The following TENM2 variants were observed in gnomAD, a reference collection of about 807,000 sequenced individuals.
The protein encoded by TENM2 is teneurin-2.
TENM2 carries 52 observed loss-of-function variants against 245.2 expected under a neutral mutation model. The ratio of observed to expected loss-of-function variants is 0.21; its 90% CI spans 0.17 to 0.27. The LOEUF (loss-of-function observed/expected upper bound fraction) is 0.27. Among genes scored for constraint, TENM2 ranks in the 10% least tolerant of loss-of-function variants. The pLI, the probability that TENM2 is intolerant of heterozygous loss-of-function variation, is 1.00. For synonymous variants in TENM2, 1,363 were observed against 1,438.9 expected, an observed-to-expected ratio of 0.95 and a Z score of 1.19; for missense variants, 3,046 against 3,666.8, an observed-to-expected ratio of 0.83 and a Z score of 4.37.
intron 5 of TENM2, among the ~76,000 whole-genome samples, chr5:168,036,593 A>C (rs1024389843): frequency 6.7e-5 from 10 of 149,176 alleles, no homozygotes; most frequent in Non-Finnish European, 3.0e-5. Context: ...CCGAGATCGC[A>C]CCATTGCACT....
chr5:167,029,786 ATGTTACTTTAT>A, the TENM2 span, among the ~76,000 whole-genome samples: 1 of 152,156 alleles, frequency 6.6e-6, no homozygotes, highest in Non-Finnish European at 1.5e-5. Context: ...TCCTTAATGA[ATGTTACTTTAT>A]TATTTTCACA....
At chr5:168,006,798 G>C (rs1471015052) in intron 5 of TENM2, among the ~76,000 whole-genome samples, 2 of 152,168 alleles carry the variant, frequency 1.3e-5, no homozygotes, top group African/African-American at 4.8e-5. Flanking sequence ...TTAGAGAAGA[G>C]AGAAAGGTCG....
chr5:167,420,076 A>G (rs931305510), intron 2 of TENM2, among the ~76,000 whole-genome samples: 1 of 152,242 alleles, frequency 6.6e-6, no homozygotes, highest in East Asian at 1.9e-4. Context: ...AGAGTTTTAT[A>G]CTTTGCAAAA....
In TENM2 at chr5:167,350,762, G is replaced by A. The variant is rs868149632; in HGVS notation, c.227-24436G>A. On this transcript the variant is annotated intron_variant, in intron 1 of 28. Transcript: ENST00000518659. Reference sequence around the variant, plus strand: ...ATATATATATGGGATATATACATATGGATATATATATATGGGATATATACA... The same window carrying A: ...ATATATATATGGGATATATACATATAGATATATATATATGGGATATATACA... 1.2e-4 allele frequency among the ~76,000 whole-genome samples: 15 copies of A among 126,816 alleles called. 2 individuals are homozygous for A. The South Asian group carries it at 3.8e-3, about 32-fold the overall frequency. 83.2% of individuals were successfully genotyped at this position (126,816 alleles called of 152,430 possible).
chr5:167,626,584 A>C (rs1778516547), intron 2 of TENM2, among the ~76,000 whole-genome samples: 1 of 152,208 alleles, frequency 6.6e-6, no homozygotes, highest in African/African-American at 2.4e-5. Flanking sequence ...AGATGTACTC[A>C]ATCATGAGTT....
intron 2 of TENM2, chr5:167,728,737 C>T (rs1418077451): frequency 2.6e-5 from 4 of 152,806 alleles, no homozygotes; most frequent in Non-Finnish European, 4.4e-5. Flanking sequence ...CCTCCCCCTA[C>T]ACCCCCCAAC....
In TENM2 at chr5:168,086,473, A is replaced by G. The variant is rs150484338; in HGVS notation, c.1516-4101A>G. Among the ~76,000 whole-genome samples, 672 of 152,290 alleles carry G rather than the reference A, an allele frequency of 4.4e-3. 5 individuals are homozygous for G. The highest frequency in any genetic ancestry group is 7.6e-3 in the Admixed American group (117 of 15,298). On this transcript the variant is annotated intron_variant, in intron 7 of 28. Coordinates refer to ENST00000518659, the Ensembl canonical transcript of TENM2. ...CAACGTGGGTTATTTTTCAGAGGCCAGGGAAAAGGAGAGAACTGGGCGGGG... is the reference window on the plus strand; with the variant it reads ...CAACGTGGGTTATTTTTCAGAGGCCGGGGAAAAGGAGAGAACTGGGCGGGG...
the TENM2 span, among the ~76,000 whole-genome samples, chr5:167,005,924 T>C: frequency 1.3e-5 from 2 of 151,992 alleles, no homozygotes; most frequent in African/African-American, 4.8e-5. Context: ...CCTCCTATAG[T>C]GCTGGGATTA....
chr5:167,163,655 G>T, the TENM2 span, among the ~76,000 whole-genome samples: 2 of 152,098 alleles, frequency 1.3e-5, no homozygotes, highest in African/African-American at 4.8e-5. Flanking sequence ...CTCTTCCATG[G>T]GGACTGCTGA....
intron 2 of TENM2, among the ~76,000 whole-genome samples, chr5:167,462,721 T>C (rs991616359): frequency 6.6e-5 from 10 of 151,776 alleles, no homozygotes; most frequent in Admixed American, 2.6e-4. Flanking sequence ...GCTCTTCCGT[T>C]CATCTGCTTG....
chr5:167,071,952 C>T, the TENM2 span, among the ~76,000 whole-genome samples: 1 of 134,642 alleles, frequency 7.4e-6, no homozygotes, highest in Non-Finnish European at 1.5e-5. Flanking sequence ...TTCCAGATTG[C>T]CAGGTGCCTT....
chr5:167,972,805 A>G (rs936044876), intron 4 of TENM2, among the ~76,000 whole-genome samples: 18 of 152,170 alleles, frequency 1.2e-4, no homozygotes, highest in African/African-American at 4.3e-4. Context: ...GTAATAATGT[A>G]ATAAATAATA....
Position 167,983,185 on chromosome 5 carries a change from A to AG in TENM2, c.948-9759_948-9758insG, listed in dbSNP as rs200090902. Among the ~76,000 whole-genome samples, 226 of 68,784 alleles carry AG rather than the reference A, an allele frequency of 3.3e-3. 2 individuals are homozygous for AG. Among genetic ancestry groups the AG allele is most frequent in the Non-Finnish European group, 3.4e-3 (114 of 33,314 alleles). 45.1% of individuals were successfully genotyped at this position (68,784 alleles called of 152,430 possible). A position where few individuals can be genotyped will look rare whatever the true frequency, so the allele number is the denominator to read the frequency against. ...CTCCAGAGGGGGAAAAAGAAGAAGA[A>AG]AAAAAAAAAAGACTCTTCATCTCAT... On this transcript the variant is annotated intron_variant, in intron 4 of 28. Transcript: ENST00000518659.
chr5:168,004,821 G>A (rs1229084105), intron 5 of TENM2, among the ~76,000 whole-genome samples: 6 of 139,202 alleles, frequency 4.3e-5, no homozygotes, highest in Admixed American at 3.0e-4. Context: ...ATCCTGCTCT[G>A]TCACGGTTAA....
At chr5:167,571,274 C>A (rs1187742089) in intron 2 of TENM2, among the ~76,000 whole-genome samples, 1 of 152,090 alleles carries the variant, frequency 6.6e-6, no homozygotes, top group Admixed American at 6.6e-5. Context: ...GATGAGGACA[C>A]AATGAGACAA....
At chr5:167,532,164 C>T (rs887818681) in intron 2 of TENM2, among the ~76,000 whole-genome samples, 18 of 152,054 alleles carry the variant, frequency 1.2e-4, no homozygotes, top group South Asian at 6.2e-4. Context: ...AATTGCCTGA[C>T]GTCTTAGGAT....
intron 2 of TENM2, among the ~76,000 whole-genome samples, chr5:167,678,684 A>G (rs775632622): frequency 1.3e-5 from 2 of 152,070 alleles, no homozygotes; most frequent in Non-Finnish European, 2.9e-5. Context: ...AGTGAAAGTA[A>G]AAAAAGAAGA....
chr5:167,304,108 AACC>A (rs1755521723), intron 1 of TENM2, among the ~76,000 whole-genome samples: 1 of 152,230 alleles, frequency 6.6e-6, no homozygotes, highest in Non-Finnish European at 1.5e-5. Flanking sequence ...ACACATACGC[AACC>A]CATGAAGTGC....
chr5:167,903,379 T>G (rs1170075798), intron 3 of TENM2, among the ~76,000 whole-genome samples: 1 of 152,148 alleles, frequency 6.6e-6, no homozygotes, highest in African/African-American at 2.4e-5. Flanking sequence ...GTGAGAGCGA[T>G]GCCAGAAAGA....
Sources: gnomAD v4.1 joint callset for allele counts (sites outside exome capture counted in the v4.1 genomes callset) on GRCh38, gnomAD v4.1.1 for gene constraint, MANE v1.5 for transcripts, NCBI Gene and HGNC (gene_info 2026-07-23, HGNC 2026-07-21) for gene names.